Variants in PDZD9 observed in about 807,000 individuals in gnomAD.
PDZD9 encodes PDZ domain containing 9.
In PDZD9, 13 loss-of-function variants were observed where a neutral mutation model predicts 16.3. The observed-to-expected ratio is 0.80, with a 90% CI of 0.52 to 1.27. The LOEUF is 1.27. Among genes scored for constraint, PDZD9 ranks in the 50% most tolerant of loss-of-function variants. The pLI is 0.00. For missense variants in PDZD9, 288 were observed against 310.9 expected (o/e 0.93, Z 0.55); for synonymous variants, 120 against 111.0 (o/e 1.08, Z -0.51).
At chr16:21,962,883 C>G in the PDZD9 span, 1 of 1,613,712 alleles carries the variant, frequency 6.2e-7, no homozygotes, top group Non-Finnish European at 8.5e-7. Flanking sequence ...AATCCGCAGA[C>G]TCGTAAGTAC....
At chr16:21,959,926 A>T in the PDZD9 span, 1 of 152,208 alleles carries the variant, frequency 6.6e-6, no homozygotes, top group Non-Finnish European at 1.5e-5. Context: ...ATATTCAGTC[A>T]ACCATGCTAT....
the PDZD9 span, among the ~76,000 whole-genome samples, chr16:21,965,794 C>G: frequency 6.6e-6 from 1 of 152,232 alleles, no homozygotes; most frequent in African/African-American, 2.4e-5. Flanking sequence ...TAAAGGCACT[C>G]AGTGTTAATA....
chr16:21,958,347 T>A, the PDZD9 span, among the ~76,000 whole-genome samples: 1 of 152,238 alleles, frequency 6.6e-6, no homozygotes. Context: ...TTTACATGAA[T>A]GTACTTAATG....
chr16:21,974,067 G>A, the PDZD9 span: 1 of 1,161,024 alleles, frequency 8.6e-7, no homozygotes, highest in Non-Finnish European at 1.2e-6. Flanking sequence ...TGGAATGTTT[G>A]AATGCAGTGC....
Position 21,984,112 on chromosome 16 carries a change from G to T in PDZD9, c.*155C>A. 1 of 771,916 alleles carries T rather than the reference G, an allele frequency of 1.3e-6. No homozygotes were observed. Among genetic ancestry groups the T allele is most frequent in the Non-Finnish European group, 2.0e-6 (1 of 508,342 alleles). The allele number at this position is 771,916 out of a possible 1,614,324, so 47.8% of individuals were successfully genotyped here. The stretch of plus-strand genomic sequence containing the variant: ...CCCAAGGAAGTCTTTAGATAATCCT[G>T]TTGAAGAACATCTCTAAAGGCTTTA... On this transcript the variant is annotated 3_prime_UTR_variant, in exon 4 of 4. Transcript: ENST00000424898.
chr16:21,977,388 C>A, the PDZD9 span, among the ~76,000 whole-genome samples: 4 of 151,952 alleles, frequency 2.6e-5, no homozygotes, highest in Non-Finnish European at 5.9e-5. Context: ...AGTCACAAAT[C>A]TAAAGAGATT....
chr16:21,974,017 A>C, the PDZD9 span: 1 of 1,503,962 alleles, frequency 6.6e-7, no homozygotes, highest in Non-Finnish European at 9.0e-7. Flanking sequence ...TGAACAAGTT[A>C]TTTCTCCCCC....
chr16:21,958,507 C>T, the PDZD9 span: 12 of 1,607,230 alleles, frequency 7.5e-6, no homozygotes, highest in Non-Finnish European at 9.4e-6. Context: ...TGAAAAGCTA[C>T]AAAGATAATC....
In PDZD9 at chr16:21,984,298, C is replaced by G. The variant is rs747928078; in HGVS notation, c.764G>C (p.Gly255Ala). The G allele has an allele frequency of 8.7e-6, 14 of 1,613,878 alleles. No individual in the cohort carries two copies. The highest frequency in any genetic ancestry group is 3.3e-4 in the Middle Eastern group (2 of 6,058). ...WLEDCAQVEE[G>A]KAQLVSKVG ...AACCTTTGATACCAGTTGGGCTTTA[C>G]CCTCTTCAACTTGGGCACAATCTTC... Residue 255 changes from glycine (G) to alanine (A), a missense_variant, in exon 4 of 4, where the codon GGT becomes GCT. Coordinates refer to ENST00000424898, the MANE Select transcript of PDZD9 (RefSeq NM_001363519.1).
the PDZD9 span, chr16:21,959,333 C>T: frequency 3.3e-5 from 8 of 239,450 alleles, no homozygotes; most frequent in South Asian, 9.8e-5. Flanking sequence ...TTTATCATTT[C>T]GACAGTGTTC....
downstream of PDZD9, chr16:21,980,452 A>G: frequency 7.4e-6 from 10 of 1,350,742 alleles, no homozygotes; most frequent in Non-Finnish European, 9.2e-6. Context: ...TATCCATTAA[A>G]TAAAGCTTTG....
chr16:21,983,338 TTC>T, downstream of PDZD9: 3 of 576,740 alleles, frequency 5.2e-6, no homozygotes, highest in East Asian at 6.0e-5. Context: ...CAATAAAACA[TTC>T]TGTTTAAGTG....
chr16:21,961,626 T>TTATATATATA, the PDZD9 span, among the ~76,000 whole-genome samples: 1,974 of 63,890 alleles, frequency 0.031, 129 homozygotes, highest in Non-Finnish European at 0.054. Flanking sequence ...AACATAAAAT[T>TTATATATATA]TATATATATA....
chr16:21,978,692 A>G, the PDZD9 span, among the ~76,000 whole-genome samples: 1 of 152,370 alleles, frequency 6.6e-6, no homozygotes, highest in South Asian at 2.1e-4. Flanking sequence ...CAGCTTTCCA[A>G]ATAGTAACGT....
At chr16:21,993,135 G>C (rs1215128239) in intron 2 of PDZD9, among the ~76,000 whole-genome samples, 1 of 152,142 alleles carries the variant, frequency 6.6e-6, no homozygotes, top group Non-Finnish European at 1.5e-5. Context: ...CCAGTCTCAG[G>C]CAGTATCTTT....
rs186317089 is a variant in PDZD9, at chr16:21,994,069, C to T, written c.211+2253G>A. On this transcript the variant is annotated intron_variant, in intron 2 of 3. Transcript: ENST00000424898. ...AAAATTAGCTGGGCATGGTGGTGCA[C>T]GCCTGAGTCCCAGCTACTGAGGAGG... 1.7e-3 allele frequency among the ~76,000 whole-genome samples: 265 copies of T among 152,190 alleles called. 1 individual carries two copies. Among genetic ancestry groups the T allele is most frequent in the Non-Finnish European group, 2.6e-3 (176 of 68,012 alleles).
intron 1 of PDZD9, among the ~76,000 whole-genome samples, chr16:22,000,294 G>T (rs1401405654): frequency 1.3e-5 from 2 of 150,596 alleles, no homozygotes; most frequent in African/African-American, 2.4e-5. Context: ...ATTTACATTG[G>T]TATAATTTTT....
chr16:21,992,575 T>G (rs1488750908), intron 2 of PDZD9, among the ~76,000 whole-genome samples: 1 of 152,204 alleles, frequency 6.6e-6, no homozygotes, highest in African/African-American at 2.4e-5. Flanking sequence ...ATGAGCAGAC[T>G]TGCTGAGTCT....
At chr16:21,970,580 C>T in the PDZD9 span, among the ~76,000 whole-genome samples, 1 of 151,978 alleles carries the variant, frequency 6.6e-6, no homozygotes, top group Non-Finnish European at 1.5e-5. Context: ...ATTTGTATAA[C>T]TTTTTTTGTT....
Sources: allele counts gnomAD v4.1 joint callset (sites outside exome capture counted in the v4.1 genomes callset), GRCh38; gene constraint gnomAD v4.1.1; transcripts MANE v1.5; gene names NCBI Gene and HGNC (gene_info 2026-07-23, HGNC 2026-07-21).